PARD3: variants seen among roughly 807,000 people sequenced by gnomAD.
PARD3 encodes par-3 family cell polarity regulator.
Under a neutral mutation model 155.4 loss-of-function variants are expected in PARD3, and 75 were observed. That is an observed-to-expected ratio of 0.48 (90% confidence interval 0.40 to 0.58). The LOEUF is 0.58. Among genes scored for constraint, PARD3 ranks in the 20% least tolerant of loss-of-function variants. The probability of loss-of-function intolerance (pLI) is 0.00; values close to 1 mark genes in which losing one functional copy is unlikely to be tolerated. For synonymous variants in PARD3, 576 were observed against 610.5 expected, an observed-to-expected ratio of 0.94 and a Z score of 0.83; for missense variants, 1,642 against 1,721.7, an observed-to-expected ratio of 0.95 and a Z score of 0.82.
rs148878930 is a variant in PARD3 at position 34,169,541 on chromosome 10, C to T, written c.3420-37958G>A. On this transcript the variant is annotated intron_variant, in intron 22 of 24. Coordinates refer to ENST00000374788, the MANE Select transcript of PARD3 (RefSeq NM_001184785.2). Reference sequence around the variant, plus strand: ...AACTTTGAGGTGGTCAGCTGTTCCTCCTCACTACTAGGGACCAAATGGAGA... The same window carrying T: ...AACTTTGAGGTGGTCAGCTGTTCCTTCTCACTACTAGGGACCAAATGGAGA... Among the ~76,000 whole-genome samples the T allele has an allele frequency of 3.9e-3, 599 of 152,244 alleles. 2 individuals carry two copies. The highest frequency in any genetic ancestry group is 0.01 in the Middle Eastern group (3 of 294).
At chr10:34,279,654 A>G (rs1342811074) in intron 21 of PARD3, among the ~76,000 whole-genome samples, 1 of 152,208 alleles carries the variant, frequency 6.6e-6, no homozygotes, top group African/African-American at 2.4e-5. Context: ...TCAAGTAATT[A>G]CCCAAAGCAG....
At chr10:34,194,397 C>T (rs1034036953) in intron 22 of PARD3, among the ~76,000 whole-genome samples, 1 of 151,946 alleles carries the variant, frequency 6.6e-6, no homozygotes, top group African/African-American at 2.4e-5. Context: ...CTGTGTGGCC[C>T]GAGCCGCTCT....
chr10:34,225,612 C>A (rs1952557393), intron 22 of PARD3, among the ~76,000 whole-genome samples: 1 of 152,154 alleles, frequency 6.6e-6, no homozygotes, highest in African/African-American at 2.4e-5. Flanking sequence ...TCCTAAAGTG[C>A]TGGGATTACA....
chr10:34,480,232 G>A (rs1246141607), intron 3 of PARD3, among the ~76,000 whole-genome samples: 1 of 152,122 alleles, frequency 6.6e-6, no homozygotes, highest in Non-Finnish European at 1.5e-5. Flanking sequence ...ACTGCACCTT[G>A]CTTCTCCTTT....
At chr10:34,229,226 T>G (rs1193759870) in intron 22 of PARD3, among the ~76,000 whole-genome samples, 3 of 151,950 alleles carry the variant, frequency 2.0e-5, no homozygotes, top group African/African-American at 7.3e-5. Context: ...TCCTCCTCCT[T>G]ATTTTATTTA....
In PARD3 at chr10:34,331,147, C is replaced by G; in HGVS notation, c.2803G>C (p.Val935Leu). ...TCCATGCCTTCATCATCATCATCTA[C>G]CGCGGGTTTATCATAAGATTTGTCG... ...AIDKSYDKPA[V>L]DDDDEGMETL... Residue 935 changes from valine to leucine, a missense_variant, in exon 19 of 25, where the codon GTA (valine) becomes CTA (leucine). Transcript: ENST00000374788. 6.2e-7 allele frequency: 1 copy of G among 1,613,820 alleles called. No homozygotes were observed. The highest frequency in any genetic ancestry group is 8.5e-7 in the Non-Finnish European group (1 of 1,179,826).
intron 18 of PARD3, among the ~76,000 whole-genome samples, chr10:34,331,585 T>C (rs1191393190): frequency 6.6e-6 from 1 of 152,166 alleles, no homozygotes; most frequent in Admixed American, 6.6e-5. Flanking sequence ...AGTCATTACT[T>C]TTTAAAAAAA....
chr10:34,527,511 G>A (rs1002844836), intron 2 of PARD3, among the ~76,000 whole-genome samples: 12 of 152,108 alleles, frequency 7.9e-5, no homozygotes, highest in Non-Finnish European at 1.6e-4. Flanking sequence ...GGTAGATAGA[G>A]AAGAAAAAAG....
chr10:34,531,590 C>T (rs1343931611), intron 2 of PARD3, among the ~76,000 whole-genome samples: 1 of 152,170 alleles, frequency 6.6e-6, no homozygotes, highest in Non-Finnish European at 1.5e-5. Flanking sequence ...GGTTTTTGTG[C>T]CTGCTGGCAT....
At chr10:34,688,685 T>TCC (rs2093994437) in intron 2 of PARD3, among the ~76,000 whole-genome samples, 2 of 152,128 alleles carry the variant, frequency 1.3e-5, no homozygotes, top group Admixed American at 1.3e-4. Flanking sequence ...TGAACAAATT[T>TCC]GGGTAAATCC....
chr10:34,251,870 A>T (rs1055655093), intron 22 of PARD3, among the ~76,000 whole-genome samples: 2 of 152,050 alleles, frequency 1.3e-5, no homozygotes, highest in African/African-American at 4.8e-5. Flanking sequence ...TGCTGTGCTG[A>T]TGAGGAGTTT....
At chr10:34,708,739 T>C (rs973098550) in intron 1 of PARD3, among the ~76,000 whole-genome samples, 2 of 152,020 alleles carry the variant, frequency 1.3e-5, no homozygotes, top group African/African-American at 2.4e-5. Flanking sequence ...CTTTTCTAGA[T>C]CAAAAAGATT....
intron 2 of PARD3, among the ~76,000 whole-genome samples, chr10:34,655,071 T>G (rs2093128651): frequency 6.6e-6 from 1 of 151,750 alleles, no homozygotes; most frequent in Admixed American, 6.6e-5. Context: ...AGTTGCAATT[T>G]GAACCTGTTA....
chr10:34,145,221 A>ATATTTTTTTTTTTTTTT (rs1491430560), intron 22 of PARD3, among the ~76,000 whole-genome samples: 1 of 33,970 alleles, frequency 2.9e-5, no homozygotes, highest in African/African-American at 1.4e-4. Context: ...ATATATATAT[A>ATATTTTTTTTTTTTTTT]TTTTTTTTTT....
At chr10:34,813,459 A>G (rs11009955) in intron 1 of PARD3, among the ~76,000 whole-genome samples, 54,521 of 152,002 alleles carry the variant, frequency 0.36, 12,182 homozygotes, top group Non-Finnish European at 0.5. Context: ...TCCCTTTGTC[A>G]GCTTTGCAAG....
chr10:34,762,796 T>C (rs1177713095), intron 1 of PARD3, among the ~76,000 whole-genome samples: 1 of 152,206 alleles, frequency 6.6e-6, no homozygotes, highest in Non-Finnish European at 1.5e-5. Flanking sequence ...AGATGAGCCA[T>C]AGACATGACT....
At chr10:34,431,740 C>CAAAAAA (rs57001926) in intron 5 of PARD3, among the ~76,000 whole-genome samples, 1 of 25,180 alleles carries the variant, frequency 4.0e-5, no homozygotes, top group African/African-American at 1.4e-4. Context: ...AACTCTGTCT[C>CAAAAAA]AAAAAAAAAA....
At chr10:34,683,641 T>C (rs2093889398) in intron 2 of PARD3, among the ~76,000 whole-genome samples, 1 of 151,672 alleles carries the variant, frequency 6.6e-6, no homozygotes, top group Non-Finnish European at 1.5e-5. Context: ...AGAACCTCTG[T>C]CCCCTGACTC....
At chr10:34,779,620 C>CA in intron 1 of PARD3, among the ~76,000 whole-genome samples, 1 of 152,200 alleles carries the variant, frequency 6.6e-6, no homozygotes, top group Non-Finnish European at 1.5e-5. Flanking sequence ...GACTCCATCT[C>CA]AAAAATAAAA....
Sources: allele counts gnomAD v4.1 joint callset (sites outside exome capture counted in the v4.1 genomes callset), GRCh38; gene constraint gnomAD v4.1.1; transcripts MANE v1.5; gene names NCBI Gene and HGNC (gene_info 2026-07-23, HGNC 2026-07-21).